CLNK: variants seen among roughly 807,000 people sequenced by gnomAD.
CLNK encodes cytokine dependent hematopoietic cell linker.
In CLNK, 74 loss-of-function variants were observed where a neutral mutation model predicts 68.6. The observed-to-expected ratio is 1.08, with a 90% CI of 0.89 to 1.31. The LOEUF (loss-of-function observed/expected upper bound fraction) is 1.31, where lower values mean the gene tolerates loss of function less well. Among genes scored for constraint, CLNK ranks in the 50% most tolerant of loss-of-function variants. CLNK has a pLI of 0.00. For synonymous variants in CLNK, 198 were observed against 172.2 expected (o/e 1.15, Z -1.17); for missense variants, 553 against 515.3 (o/e 1.07, Z -0.71).
At chr4:10,504,325 T>A (rs1212256330) in intron 17 of CLNK, among the ~76,000 whole-genome samples, 1 of 152,036 alleles carries the variant, frequency 6.6e-6, no homozygotes, top group African/African-American at 2.4e-5. Context: ...TTTCACCGTG[T>A]TAGCCAGGAT....
At chr4:10,586,407 C>G (rs1214062405) in intron 3 of CLNK, among the ~76,000 whole-genome samples, 2 of 148,336 alleles carry the variant, frequency 1.3e-5, no homozygotes, top group African/African-American at 2.5e-5. Flanking sequence ...TCTCTCCTCC[C>G]AGGTTCAAGC....
the CLNK span, among the ~76,000 whole-genome samples, chr4:10,714,162 T>C: frequency 2.0e-5 from 3 of 152,226 alleles, no homozygotes; most frequent in Admixed American, 2.0e-4. Flanking sequence ...CCACAAACTA[T>C]AGACCTTTCC....
At chr4:10,502,368 C>G (rs1717091658) in intron 17 of CLNK, among the ~76,000 whole-genome samples, 1 of 152,014 alleles carries the variant, frequency 6.6e-6, no homozygotes, top group Non-Finnish European at 1.5e-5. Context: ...CATGAGAACT[C>G]ACTCACTAGA....
intron 4 of CLNK, among the ~76,000 whole-genome samples, chr4:10,574,014 G>A (rs191074346): frequency 2.0e-4 from 31 of 152,246 alleles, no homozygotes; most frequent in African/African-American, 6.5e-4. Context: ...ATTTAAATAC[G>A]AATAGGCAGG....
chr4:10,530,819 G>A (rs1249180679), intron 12 of CLNK, among the ~76,000 whole-genome samples: 1 of 152,190 alleles, frequency 6.6e-6, no homozygotes, highest in African/African-American at 2.4e-5. Context: ...GGTTCCCCCA[G>A]CAGCTGAGCA....
At chr4:10,656,216 G>A (rs1007525517) in intron 2 of CLNK, among the ~76,000 whole-genome samples, 4 of 151,050 alleles carry the variant, frequency 2.6e-5, no homozygotes, top group South Asian at 2.1e-4. Flanking sequence ...CTGAAATTAC[G>A]GTCACCAAAA....
intron 1 of CLNK, among the ~76,000 whole-genome samples, chr4:10,672,018 A>C (rs1166738379): frequency 6.6e-6 from 1 of 152,204 alleles, no homozygotes; most frequent in Non-Finnish European, 1.5e-5. Context: ...AAATACTTAA[A>C]GAGCCCCTAA....
chr4:10,614,159 C>A (rs970602472), intron 2 of CLNK, among the ~76,000 whole-genome samples: 5 of 152,202 alleles, frequency 3.3e-5, no homozygotes, highest in African/African-American at 1.2e-4. Context: ...TGATTAAATT[C>A]TCCTCCCCTG....
the CLNK span, among the ~76,000 whole-genome samples, chr4:10,730,214 C>A: frequency 6.6e-6 from 1 of 152,274 alleles, no homozygotes; most frequent in East Asian, 1.9e-4. Context: ...CATCACTGCA[C>A]CATTGAACCT....
chr4:10,543,303 G>T (rs113147353), intron 8 of CLNK, among the ~76,000 whole-genome samples: 2,022 of 152,252 alleles, frequency 0.013, 23 homozygotes, highest in Non-Finnish European at 0.017. Context: ...CTAAAAATGG[G>T]CGTGGTGTAA....
intron 2 of CLNK, among the ~76,000 whole-genome samples, chr4:10,662,455 TGGATTAATTG>T (rs905883061): frequency 8.5e-5 from 13 of 152,204 alleles, no homozygotes; most frequent in African/African-American, 3.1e-4. Flanking sequence ...ATGTGATGGT[TGGATTAATTG>T]GGATTAATGA....
intron 3 of CLNK, among the ~76,000 whole-genome samples, chr4:10,592,260 C>G (rs1362450328): frequency 6.6e-6 from 1 of 152,082 alleles, no homozygotes; most frequent in African/African-American, 2.4e-5. Flanking sequence ...AGCTATAGTC[C>G]TGTTCCTATA....
intron 4 of CLNK, among the ~76,000 whole-genome samples, chr4:10,583,129 G>A (rs921907104): frequency 2.6e-5 from 4 of 152,134 alleles, no homozygotes; most frequent in Admixed American, 6.5e-5. Context: ...CCACCGTCAC[G>A]CACAGTCTTT....
At chr4:10,530,391 C>A (rs149009688) in intron 12 of CLNK, among the ~76,000 whole-genome samples, 80 of 152,300 alleles carry the variant, frequency 5.3e-4, no homozygotes, top group African/African-American at 1.9e-3. Context: ...AAGCACTGAG[C>A]GCAGGCACAA....
At chr4:10,656,953 T>C (rs1577201151) in intron 2 of CLNK, among the ~76,000 whole-genome samples, 1 of 152,318 alleles carries the variant, frequency 6.6e-6, no homozygotes, top group Middle Eastern at 3.4e-3. Flanking sequence ...AAACAGACTA[T>C]AGAACAATCA....
At chr4:10,649,070 GT>G (rs1160415338) in intron 2 of CLNK, among the ~76,000 whole-genome samples, 1 of 152,098 alleles carries the variant, frequency 6.6e-6, no homozygotes. Context: ...TTTGTAAAAC[GT>G]TAGTGAATCA....
intron 8 of CLNK, among the ~76,000 whole-genome samples, chr4:10,549,483 T>C (rs889081835): frequency 6.6e-6 from 1 of 152,208 alleles, no homozygotes; most frequent in African/African-American, 2.4e-5. Context: ...GTTCATACTA[T>C]GGGCAGGATC....
chr4:10,620,946 C>A (rs77823620), intron 2 of CLNK, among the ~76,000 whole-genome samples: 40 of 143,710 alleles, frequency 2.8e-4, no homozygotes, highest in Admixed American at 3.5e-4. Flanking sequence ...ACTAAAAATA[C>A]AAAAAAAAAA....
At chr4:10,613,747 T>C (rs1417211797) in intron 2 of CLNK, among the ~76,000 whole-genome samples, 1 of 152,158 alleles carries the variant, frequency 6.6e-6, no homozygotes, top group African/African-American at 2.4e-5. Flanking sequence ...ACTCTCTTTG[T>C]AGTAGCTGAG....
Sources: gnomAD v4.1 joint callset for allele counts (sites outside exome capture counted in the v4.1 genomes callset) on GRCh38, gnomAD v4.1.1 for gene constraint, MANE v1.5 for transcripts, NCBI Gene and HGNC (gene_info 2026-07-23, HGNC 2026-07-21) for gene names.